Variants in WFDC8 observed in about 807,000 individuals in gnomAD.
WFDC8 encodes WAP four-disulfide core domain protein 8.
A neutral mutation model predicts 27.0 loss-of-function variants in WFDC8; 24 were observed. The ratio of observed to expected loss-of-function variants is 0.89; its 90% confidence interval spans 0.64 to 1.25. The LOEUF (loss-of-function observed/expected upper bound fraction) is 1.25, where lower values mean the gene tolerates loss of function less well. Among genes scored for constraint, WFDC8 ranks in the 50% most tolerant of loss-of-function variants. The pLI, the probability that WFDC8 is intolerant of heterozygous loss-of-function variation, is 0.00. For synonymous variants in WFDC8, 106 were observed against 99.7 expected (o/e 1.06, Z -0.38); for missense variants, 287 against 295.9 (o/e 0.97, Z 0.22).
In WFDC8 at chr20:45,570,799, T is replaced by G. The variant is rs146142945; in HGVS notation, c.26+8423A>C. On this transcript the variant is annotated intron_variant, in intron 1 of 5. Transcript: ENST00000289953. ...ATGCATGCACTACTCTCCTAAGAGTTCCACTTGCTCCACACACCTGTTAGC... is the reference window on the plus strand; with the variant it reads ...ATGCATGCACTACTCTCCTAAGAGTGCCACTTGCTCCACACACCTGTTAGC... Among the ~76,000 whole-genome samples, 368 of 152,356 alleles carry G rather than the reference T, an allele frequency of 2.4e-3. 2 individuals are homozygous for G. The highest frequency in any genetic ancestry group is 8.0e-3 in the African/African-American group (333 of 41,586).
chr20:45,555,199 C>T (rs1324468816), intron 4 of WFDC8, among the ~76,000 whole-genome samples: 1 of 152,196 alleles, frequency 6.6e-6, no homozygotes, highest in Non-Finnish European at 1.5e-5. Context: ...TTTGGTAGGA[C>T]ACTGTTTCCC....
intron 4 of WFDC8, 24 bp from the exon 5 acceptor site, chr20:45,553,300 T>A: frequency 2.5e-6 from 4 of 1,603,508 alleles, no homozygotes; most frequent in Non-Finnish European, 3.4e-6. Flanking sequence ...AGATGTGAGC[T>A]TCTTAAAACC....
chr20:45,551,944 TTGGATACAAGACAAAAC>T lies in WFDC8; in HGVS notation c.*65_*81del. 1 of 1,524,372 alleles carries T rather than the reference TTGGATACAAGACAAAAC, an allele frequency of 6.6e-7. No individual in the cohort carries two copies. The highest frequency in any genetic ancestry group is 1.4e-5 in the African/African-American group (1 of 72,450). 94.4% of individuals were successfully genotyped at this position (1,524,372 alleles called of 1,614,324 possible). ...GTGATACTTAAGATAATTTGGCAAG[TTGGATACAAGACAAAAC>T]TGACAGCTCTTTATCATGCTACTCA... is the stretch of plus-strand genomic sequence containing the variant. On this transcript the variant is annotated 3_prime_UTR_variant, in exon 6 of 6. Transcript: ENST00000289953.
At chr20:45,557,679 C>T (rs776056711) in intron 3 of WFDC8, among the ~76,000 whole-genome samples, 5 of 152,166 alleles carry the variant, frequency 3.3e-5, no homozygotes, top group African/African-American at 4.8e-5. Flanking sequence ...GTGATCCACC[C>T]GCCTTGGCCT....
intron 1 of WFDC8, chr20:45,568,739 T>G (rs1455990507): frequency 1.9e-6 from 1 of 514,876 alleles, no homozygotes. Flanking sequence ...TGGTGACCCA[T>G]GCATAACCAG....
At chr20:45,556,438 A>G (rs1287314462) in intron 3 of WFDC8, among the ~76,000 whole-genome samples, 1 of 152,038 alleles carries the variant, frequency 6.6e-6, no homozygotes, top group East Asian at 1.9e-4. Flanking sequence ...CAGCAGAGAC[A>G]ACTTGCAACA....
chr20:45,579,157 T>G, intron 1 of WFDC8, 65 bp downstream of exon 1: 3 of 1,528,970 alleles, frequency 2.0e-6, no homozygotes, highest in Non-Finnish European at 2.7e-6. Flanking sequence ...CTATGTATCC[T>G]CCTCATCTCC....
chr20:45,568,317 A>G, intron 1 of WFDC8: 1 of 240,484 alleles, frequency 4.2e-6, no homozygotes, highest in South Asian at 6.2e-5. Flanking sequence ...AATACTGATG[A>G]TTGTGCTTCA....
intron 2 of WFDC8, among the ~76,000 whole-genome samples, chr20:45,560,409 T>C (rs1366807971): frequency 2.0e-5 from 3 of 152,204 alleles, no homozygotes; most frequent in Admixed American, 6.5e-5. Context: ...AGAACCCAGA[T>C]GCACAATGCC....
chr20:45,557,740 A>G (rs1229327804), intron 3 of WFDC8, among the ~76,000 whole-genome samples: 1 of 152,128 alleles, frequency 6.6e-6, no homozygotes, highest in Non-Finnish European at 1.5e-5. Flanking sequence ...GCCAATAAAG[A>G]TGTGTTTAAG....
rs115959009 is a variant in WFDC8, at chr20:45,552,290, C to T, written c.587-125G>A. The stretch of plus-strand genomic sequence containing the variant: ...ATTAAGCTTCTTACCTTTCCCCCTA[C>T]AGTAACAATAGACTGGAGGAGGCAG... On this transcript the variant is annotated intron_variant, in intron 5 of 5. Coordinates refer to ENST00000289953, the MANE Select transcript of WFDC8 (RefSeq NM_130896.3). 2.2e-4 allele frequency: 252 copies of T among 1,158,844 alleles called. No homozygotes were observed. The African/African-American group carries it at 3.6e-3, about 16-fold the overall frequency. The allele number at this position is 1,158,844 out of a possible 1,614,324, so 71.8% of individuals were successfully genotyped here. A position where few individuals can be genotyped will look rare whatever the true frequency, so the allele number is the denominator to read the frequency against.
intron 3 of WFDC8, 93 bp downstream of exon 3, chr20:45,558,759 G>A (rs922699396): frequency 6.7e-7 from 1 of 1,503,496 alleles, no homozygotes. Flanking sequence ...CACAGGCCCT[G>A]GGTCCTTGTC....
intron 1 of WFDC8, among the ~76,000 whole-genome samples, chr20:45,565,224 G>A (rs1600894400): frequency 6.6e-6 from 1 of 152,132 alleles, no homozygotes; most frequent in East Asian, 2.0e-4. Context: ...TCAAATCACT[G>A]TGTCAACTTG....
At chr20:45,572,871 T>G (rs927941112) in intron 1 of WFDC8, among the ~76,000 whole-genome samples, 15 of 152,220 alleles carry the variant, frequency 9.9e-5, no homozygotes, top group Non-Finnish European at 2.9e-5. Flanking sequence ...CCTCCCAAAG[T>G]GTTGGGATTA....
At chr20:45,572,477 G>A (rs1159750347) in intron 1 of WFDC8, among the ~76,000 whole-genome samples, 1 of 151,018 alleles carries the variant, frequency 6.6e-6, no homozygotes, top group Non-Finnish European at 1.5e-5. Flanking sequence ...TTTGATAACA[G>A]ACATTCTAAC....
intron 1 of WFDC8, among the ~76,000 whole-genome samples, chr20:45,569,770 G>T (rs1366708046): frequency 6.6e-6 from 1 of 152,084 alleles, no homozygotes; most frequent in African/African-American, 2.4e-5. Context: ...CAATAGCAAA[G>T]ACATAGAATT....
In WFDC8 at chr20:45,577,224, T is replaced by C. The variant is rs113254326; in HGVS notation, c.26+1998A>G. Among the ~76,000 whole-genome samples, 780 of 151,404 alleles carry C rather than the reference T, an allele frequency of 5.2e-3. 33 individuals carry two copies. Among genetic ancestry groups the C allele is most frequent in the Non-Finnish European group, 9.7e-3 (659 of 67,644 alleles). ...TTGTGCTTTTTGTTGGTGAGTTTGC[T>C]GTTTAAAATGGCTGCCAAGAATTAC... On this transcript the variant is annotated intron_variant, in intron 1 of 5. Transcript: ENST00000289953.
At chr20:45,568,905 A>T (rs8122982) in intron 1 of WFDC8, 85,792 of 243,034 alleles carry the variant, frequency 0.35, 16,295 homozygotes, top group Non-Finnish European at 0.4. Context: ...ACTGAAGAGG[A>T]CCAGACTGAA....
At chr20:45,578,054 A>T in intron 1 of WFDC8, among the ~76,000 whole-genome samples, 1 of 151,006 alleles carries the variant, frequency 6.6e-6, no homozygotes. Context: ...TAAATAAAGT[A>T]TGTAGAGTTT....
Sources: gnomAD v4.1 joint callset for allele counts (sites outside exome capture counted in the v4.1 genomes callset) on GRCh38, gnomAD v4.1.1 for gene constraint, MANE v1.5 for transcripts, NCBI Gene and HGNC (gene_info 2026-07-23, HGNC 2026-07-21) for gene names.